The following DNM2 variants were observed in gnomAD, a reference collection of about 807,000 sequenced individuals.
The protein encoded by DNM2 is dynamin 2.
Under a neutral mutation model 99.0 loss-of-function variants are expected in DNM2, and 15 were observed. The ratio of observed to expected loss-of-function variants is 0.15; its 90% CI spans 0.10 to 0.23. DNM2 has a LOEUF of 0.23. Among genes scored for constraint, DNM2 ranks in the 10% least tolerant of loss-of-function variants. DNM2 has a pLI of 1.00. For synonymous variants in DNM2, 525 were observed against 481.2 expected (o/e 1.09, Z -1.19); for missense variants, 742 against 1,189.4 (o/e 0.62, Z 5.53).
chr19:10,774,776 T>TA (rs1555705871), intron 3 of DNM2, among the ~76,000 whole-genome samples: 3 of 146,110 alleles, frequency 2.1e-5, no homozygotes, highest in African/African-American at 7.6e-5. Flanking sequence ...TTATTATATA[T>TA]TTATTTTTTT....
intron 1 of DNM2, among the ~76,000 whole-genome samples, chr19:10,744,709 C>T (rs1459101763): frequency 6.6e-6 from 1 of 152,160 alleles, no homozygotes; most frequent in African/African-American, 2.4e-5. Flanking sequence ...GGAACTGTCT[C>T]CTCCAGTCCT....
intron 18 of DNM2, among the ~76,000 whole-genome samples, chr19:10,825,780 G>A (rs979592174): frequency 2.0e-5 from 3 of 151,568 alleles, no homozygotes; most frequent in South Asian, 2.1e-4. Flanking sequence ...CTTGAACCTG[G>A]GAGATGGAGA....
chr19:10,728,891 G>A (rs1408856363), intron 1 of DNM2, among the ~76,000 whole-genome samples: 1 of 151,536 alleles, frequency 6.6e-6, no homozygotes, highest in African/African-American at 2.4e-5. Flanking sequence ...AGGTTGCATT[G>A]AGCTATGATT....
intron 7 of DNM2, among the ~76,000 whole-genome samples, chr19:10,788,298 G>GGAGCC (rs2071636232): frequency 6.6e-6 from 1 of 152,162 alleles, no homozygotes; most frequent in South Asian, 2.1e-4. Context: ...GGGCAGGGCA[G>GGAGCC]GAGCCGTGTG....
At chr19:10,827,526 T>A (rs2073181737) in intron 18 of DNM2, among the ~76,000 whole-genome samples, 1 of 151,346 alleles carries the variant, frequency 6.6e-6, no homozygotes, top group Non-Finnish European at 1.5e-5. Context: ...CAAAGATCGC[T>A]CCACTGCATT....
intron 1 of DNM2, among the ~76,000 whole-genome samples, chr19:10,729,621 C>T (rs1282594816): frequency 6.6e-6 from 1 of 152,158 alleles, no homozygotes; most frequent in Non-Finnish European, 1.5e-5. Context: ...AGTTAGGACG[C>T]TGCCCGTGGA....
intron 3 of DNM2, among the ~76,000 whole-genome samples, chr19:10,773,955 G>A (rs1460117109): frequency 6.6e-6 from 1 of 152,096 alleles, no homozygotes; most frequent in Non-Finnish European, 1.5e-5. Flanking sequence ...AGCAGCCCGG[G>A]GCCATAGACA....
At chr19:10,771,102 T>G (rs557408950) in intron 2 of DNM2, among the ~76,000 whole-genome samples, 1 of 152,304 alleles carries the variant, frequency 6.6e-6, no homozygotes, top group Non-Finnish European at 1.5e-5. Context: ...ATTTCCCCCT[T>G]ATTTTTAGCA....
chr19:10,817,839 G>C lies in DNM2; in HGVS notation c.1672-2141G>C, dbSNP rs964988545. Among the ~76,000 whole-genome samples the C allele has an allele frequency of 6.6e-6, 1 of 151,250 alleles. No homozygotes were observed. The highest frequency in any genetic ancestry group is 1.5e-5 in the Non-Finnish European group (1 of 67,690). Reference sequence around the variant, plus strand: ...TGTGCGCGCGCGCGCACGCGTGCGTGCCGGCAGCACCAGGAAGGCGGCCAC... The same window carrying C: ...TGTGCGCGCGCGCGCACGCGTGCGTCCCGGCAGCACCAGGAAGGCGGCCAC... On this transcript the variant is annotated intron_variant, in intron 15 of 20. Transcript: ENST00000389253. The surrounding 1 kb of genome is among the most constrained non-coding windows in gnomAD (Gnocchi z 4.6).
Position 10,786,669 on chromosome 19 carries a change from C to G in DNM2, c.955C>G (p.Pro319Ala). 1.2e-6 allele frequency: 2 copies of G among 1,614,158 alleles called. No individual in the cohort carries two copies. Among genetic ancestry groups the G allele is most frequent in the Non-Finnish European group, 1.7e-6 (2 of 1,180,032 alleles). ...GGTGGAGGAGTACAAGAACTTTCGGCCCGACGACCCCACCCGCAAAACCAA... is the reference window on the plus strand; with the variant it reads ...GGTGGAGGAGTACAAGAACTTTCGGGCCGACGACCCCACCCGCAAAACCAA... ...KEVEEYKNFR[P>A]DDPTRKTKAL... The change falls in exon 7 of 21, where the codon CCC (proline) becomes GCC (alanine). Residue 319 changes from proline to alanine, a missense_variant. Transcript: ENST00000389253.
In DNM2 at chr19:10,759,702, G is replaced by A. The variant is rs374429222; in HGVS notation, c.162-36G>A. ...ACACTTCCTGCCCCTCGATCCGGAC[G>A]CAAGAGTAATTTCTGTCCCTCTCCC... On this transcript the variant is annotated intron_variant, in intron 1 of 20. Transcript: ENST00000389253. The A allele has an allele frequency of 9.9e-6, 16 of 1,612,884 alleles. No individual in the cohort carries two copies. In the Admixed American group the frequency reaches 1.7e-4, roughly 17 times the overall value.
rs375880464 is a variant in DNM2, at chr19:10,795,457, A to G, written c.1196+18A>G. Reference sequence around the variant, plus strand: ...GGAGTCAGGCAAGTTCCACGAGGAGAGTCACCACTGTTCCTTCCTCTCCGT... The same window carrying G: ...GGAGTCAGGCAAGTTCCACGAGGAGGGTCACCACTGTTCCTTCCTCTCCGT... On this transcript the variant is annotated intron_variant, in intron 9 of 20. Transcript: ENST00000389253. The surrounding 1 kb of genome is among the most constrained non-coding windows in gnomAD (Gnocchi z 4.2). 9.4e-5 allele frequency: 151 copies of G among 1,613,790 alleles called. No homozygotes were observed. The highest frequency in any genetic ancestry group is 1.2e-4 in the Non-Finnish European group (137 of 1,179,946).
At chr19:10,730,934 C>T (rs1400833286) in intron 1 of DNM2, among the ~76,000 whole-genome samples, 1 of 152,182 alleles carries the variant, frequency 6.6e-6, no homozygotes, top group African/African-American at 2.4e-5. Flanking sequence ...ACCTATGGGG[C>T]GGTAGACAAG....
intron 15 of DNM2, among the ~76,000 whole-genome samples, chr19:10,819,053 C>T (rs1203523550): frequency 1.3e-5 from 2 of 152,146 alleles, no homozygotes; most frequent in East Asian, 3.9e-4. Context: ...CCGAGGGGCC[C>T]ACCTCTGAGC....
intron 2 of DNM2, among the ~76,000 whole-genome samples, chr19:10,760,294 G>T (rs1265753248): frequency 6.6e-6 from 1 of 151,694 alleles, no homozygotes; most frequent in African/African-American, 2.4e-5. Flanking sequence ...TCTCACTTCG[G>T]CCTCCCTAAG....
chr19:10,802,545 C>G lies in DNM2; in HGVS notation c.1493+187C>G, dbSNP rs141628701. On this transcript the variant is annotated intron_variant, in intron 12 of 20. Coordinates refer to ENST00000389253, the MANE Select transcript of DNM2 (RefSeq NM_001005361.3). ...CCTGGGCTGATAGTGGTCCACTGTC[C>G]CCAACCAACACGCCTTCTGTGAGGC... 1,598 of 697,772 alleles carry G rather than the reference C, an allele frequency of 2.3e-3. 2 individuals are homozygous for G. Among genetic ancestry groups the G allele is most frequent in the Non-Finnish European group, 3.8e-3 (1,462 of 389,562 alleles). 43.2% of individuals were successfully genotyped at this position (697,772 alleles called of 1,614,324 possible).
chr19:10,723,894 C>A (rs773840364), intron 1 of DNM2, among the ~76,000 whole-genome samples: 9 of 152,052 alleles, frequency 5.9e-5, no homozygotes, highest in Non-Finnish European at 1.3e-4. Flanking sequence ...AAGTTGGAGA[C>A]CAGCCTGGGC....
chr19:10,799,540 T>G (rs527291123), intron 11 of DNM2, among the ~76,000 whole-genome samples: 29 of 150,484 alleles, frequency 1.9e-4, no homozygotes, highest in East Asian at 1.6e-3. Flanking sequence ...TTTTGTTTTT[T>G]TTTTTTTTTT....
chr19:10,804,980 C>T (rs745707990), intron 12 of DNM2, among the ~76,000 whole-genome samples: 7 of 152,164 alleles, frequency 4.6e-5, no homozygotes, highest in Non-Finnish European at 8.8e-5. Flanking sequence ...GGATAAGTAA[C>T]AGGAGATATA....
Sources: allele counts gnomAD v4.1 joint callset (sites outside exome capture counted in the v4.1 genomes callset), GRCh38; gene constraint gnomAD v4.1.1; non-coding constraint Gnocchi (gnomAD v3.1); transcripts MANE v1.5; gene names NCBI Gene and HGNC (gene_info 2026-07-23, HGNC 2026-07-21).